The following FAM240B variants were observed in gnomAD, a reference collection of about 807,000 sequenced individuals.
FAM240B encodes the protein family with sequence similarity 240 member B.
intron 2 of FAM240B, among the ~76,000 whole-genome samples, chr9:38,699,309 T>C (rs1821097737): frequency 6.6e-6 from 1 of 152,206 alleles, no homozygotes. Flanking sequence ...GGATCTATAA[T>C]TATATTTTTC....
chr9:38,695,652 T>G (rs1201487193), intron 2 of FAM240B, among the ~76,000 whole-genome samples: 3 of 152,228 alleles, frequency 2.0e-5, no homozygotes, highest in Non-Finnish European at 4.4e-5. Flanking sequence ...GATAGGTGGA[T>G]TCCATGTAAT....
chr9:38,700,108 G>C (rs932234815), intron 2 of FAM240B, among the ~76,000 whole-genome samples: 1 of 152,178 alleles, frequency 6.6e-6, no homozygotes, highest in Non-Finnish European at 1.5e-5. Flanking sequence ...ATACTCATTT[G>C]ACCAACTCAG....
At chr9:38,714,232 G>C (rs566382274) in intron 1 of FAM240B, among the ~76,000 whole-genome samples, 3 of 152,324 alleles carry the variant, frequency 2.0e-5, no homozygotes, top group Non-Finnish European at 2.9e-5. Flanking sequence ...AAGAATTCCA[G>C]TGAATAAGTG....
chr9:38,713,426 C>T (rs867863551), intron 1 of FAM240B, among the ~76,000 whole-genome samples: 14 of 131,972 alleles, frequency 1.1e-4, no homozygotes, highest in Admixed American at 9.4e-4. Flanking sequence ...TGCAGTGAGC[C>T]GAGATCACGC....
chr9:38,710,599 A>T (rs531993459), intron 1 of FAM240B, among the ~76,000 whole-genome samples: 2 of 152,106 alleles, frequency 1.3e-5, no homozygotes, highest in East Asian at 3.9e-4. Flanking sequence ...CAGTGGGGGG[A>T]AATGCATTGG....
rs140727196 is a variant in FAM240B, at chr9:38,718,394, C to A, written c.-4+1628G>T. Among the ~76,000 whole-genome samples, 970 of 152,328 alleles carry A rather than the reference C, an allele frequency of 6.4e-3. 6 individuals carry two copies. The highest frequency in any genetic ancestry group is 8.6e-3 in the Admixed American group (131 of 15,292). ...TGGAATGTTTGTGGACTTAGCAGAA[C>A]TTCTTCTGTAGAGGTCCTTTCAGTC... On this transcript the variant is annotated intron_variant, in intron 1 of 2. Coordinates refer to ENST00000637493, the MANE Select transcript of FAM240B (RefSeq NM_001394922.1).
At chr9:38,697,129 G>C (rs1413660576) in intron 2 of FAM240B, among the ~76,000 whole-genome samples, 1 of 152,128 alleles carries the variant, frequency 6.6e-6, no homozygotes, top group African/African-American at 2.4e-5. Flanking sequence ...ACCTAATGTG[G>C]ATTCATTCAT....
intron 1 of FAM240B, among the ~76,000 whole-genome samples, chr9:38,716,193 C>G (rs1003619487): frequency 5.9e-5 from 9 of 152,156 alleles, no homozygotes; most frequent in Admixed American, 4.6e-4. Flanking sequence ...TGCCCTTGGC[C>G]CGGTGCGGTG....
chr9:38,699,680 G>A (rs1186778938), intron 2 of FAM240B, among the ~76,000 whole-genome samples: 4 of 152,202 alleles, frequency 2.6e-5, no homozygotes, highest in Non-Finnish European at 5.9e-5. Flanking sequence ...GCTCATACAC[G>A]ATGGTGGATC....
intron 1 of FAM240B, among the ~76,000 whole-genome samples, chr9:38,704,224 T>A (rs1283604086): frequency 2.6e-5 from 4 of 152,172 alleles, no homozygotes; most frequent in Non-Finnish European, 5.9e-5. Context: ...TGAAAAATTT[T>A]GAATTAGACA....
intron 2 of FAM240B, 92 bp downstream of exon 2, chr9:38,703,765 T>C (rs1821156018): frequency 2.5e-6 from 1 of 397,868 alleles, no homozygotes; most frequent in East Asian, 3.6e-5. Flanking sequence ...CAGCAGTGGG[T>C]ACCAAAGAGA....
At chr9:38,705,397 G>GTCA (rs1821177239) in intron 1 of FAM240B, 1 of 152,304 alleles carries the variant, frequency 6.6e-6, no homozygotes, top group Non-Finnish European at 1.5e-5. Flanking sequence ...AGACCATCCT[G>GTCA]CCTAACACAG....
intron 2 of FAM240B, 118 bp from the exon 3 acceptor site, chr9:38,694,987 T>TC (rs1288607483): frequency 2.5e-6 from 1 of 395,682 alleles, no homozygotes; most frequent in African/African-American, 2.1e-5. Context: ...CATTGTGTGT[T>TC]CCCCTCCCTG....
intron 1 of FAM240B, among the ~76,000 whole-genome samples, chr9:38,717,478 G>GTGTT (rs375939189): frequency 1.4e-4 from 22 of 151,966 alleles, no homozygotes; most frequent in Admixed American, 2.6e-4. Context: ...CCCTAAAAAG[G>GTGTT]TGTTTGTTTG....
intron 1 of FAM240B, among the ~76,000 whole-genome samples, chr9:38,719,156 A>G (rs1821343952): frequency 6.6e-6 from 1 of 152,058 alleles, no homozygotes; most frequent in East Asian, 1.9e-4. Flanking sequence ...GTTGCTTTGC[A>G]CATATGTGAA....
intron 1 of FAM240B, among the ~76,000 whole-genome samples, chr9:38,718,050 G>A (rs1035554179): frequency 6.6e-6 from 1 of 152,200 alleles, no homozygotes; most frequent in Admixed American, 6.5e-5. Context: ...TGCAAGCAGG[G>A]CCATACAATA....
rs1168689761 is a variant in FAM240B, at chr9:38,694,560, C to T, written c.*216G>A. Reference sequence around the variant, plus strand: ...TTATTAAATAGCCCAAGCGTCCTATCCCACTTGCGGTCATCCTGTCCTCTG... The same window carrying T: ...TTATTAAATAGCCCAAGCGTCCTATTCCACTTGCGGTCATCCTGTCCTCTG... On this transcript the variant is annotated 3_prime_UTR_variant, in exon 3 of 3. Transcript: ENST00000637493. 1 of 384,654 alleles carries T rather than the reference C, an allele frequency of 2.6e-6. No homozygotes were observed. The highest frequency in any genetic ancestry group is 4.6e-6 in the Non-Finnish European group (1 of 217,910). 23.8% of individuals were successfully genotyped at this position (384,654 alleles called of 1,614,324 possible).
intron 2 of FAM240B, among the ~76,000 whole-genome samples, chr9:38,703,367 C>G (rs6476731): frequency 0.11 from 15,996 of 152,228 alleles, 897 homozygotes; most frequent in African/African-American, 0.13. Context: ...AACTCTCATA[C>G]ACTGAGCCAC....
intron 1 of FAM240B, among the ~76,000 whole-genome samples, chr9:38,705,926 G>C (rs1821186276): frequency 6.6e-6 from 1 of 152,144 alleles, no homozygotes; most frequent in African/African-American, 2.4e-5. Flanking sequence ...CTGAGCATGT[G>C]GGTGGGTGGT....
Sources: allele counts gnomAD v4.1 joint callset (sites outside exome capture counted in the v4.1 genomes callset), GRCh38; gene constraint gnomAD v4.1.1; transcripts MANE v1.5; gene names NCBI Gene and HGNC (gene_info 2026-07-23, HGNC 2026-07-21).